Variants in CTDSPL observed in about 807,000 individuals in gnomAD.
CTDSPL encodes CTD small phosphatase-like protein.
Under a neutral mutation model 30.5 loss-of-function variants are expected in CTDSPL, and 8 were observed. The ratio of observed to expected loss-of-function variants is 0.26; its 90% CI spans 0.15 to 0.47. The LOEUF is 0.47. CTDSPL is among the 20% of genes least tolerant of loss of function. The pLI, the probability that CTDSPL is intolerant of heterozygous loss-of-function variation, is 0.99. For missense variants in CTDSPL, 248 were observed against 366.1 expected, an observed-to-expected ratio of 0.68 and a Z score of 2.63; for synonymous variants, 110 against 137.9, an observed-to-expected ratio of 0.80 and a Z score of 1.42.
chr3:37,940,387 G>A (rs540861718), intron 1 of CTDSPL, among the ~76,000 whole-genome samples: 5 of 150,546 alleles, frequency 3.3e-5, no homozygotes, highest in African/African-American at 1.2e-4. Context: ...AGGAGCAAAA[G>A]AGAATTTGTT....
intron 5 of CTDSPL, chr3:37,968,525 G>A (rs990367005): frequency 1.3e-5 from 3 of 231,974 alleles, no homozygotes; most frequent in Non-Finnish European, 2.6e-5. Flanking sequence ...GAATGTTGTA[G>A]GAAAACTAGC....
chr3:37,964,032 TAAAAAAAAAAAAA>T (rs58061973), intron 3 of CTDSPL, among the ~76,000 whole-genome samples: 1,216 of 22,936 alleles, frequency 0.053, 39 homozygotes, highest in African/African-American at 0.14. Context: ...TCTCAGTCAC[TAAAAAAAAAAAAA>T]AAAAAAAAAA....
intron 1 of CTDSPL, among the ~76,000 whole-genome samples, chr3:37,891,026 T>C (rs1698319536): frequency 6.6e-6 from 1 of 152,140 alleles, no homozygotes; most frequent in Non-Finnish European, 1.5e-5. Flanking sequence ...CACAAGAGTA[T>C]ATCTCTAGGC....
Position 37,983,635 on chromosome 3 carries a change from C to T in CTDSPL, c.*2768C>T, listed in dbSNP as rs774636628. The T allele has an allele frequency of 3.3e-5, 5 of 152,540 alleles. No individual in the cohort carries two copies. The highest frequency in any genetic ancestry group is 7.3e-5 in the Non-Finnish European group (5 of 68,240). The allele number at this position is 152,540 out of a possible 1,614,324, so 9.4% of individuals were successfully genotyped here. ...GTATTTTTGACATTGAGCTCTGGGA[C>T]AGGACACCTTGGGTTTGTGGACTGC... On this transcript the variant is annotated 3_prime_UTR_variant, in exon 8 of 8. Coordinates refer to ENST00000273179, the MANE Select transcript of CTDSPL (RefSeq NM_001008392.2).
At chr3:37,895,106 G>A (rs917370125) in intron 1 of CTDSPL, among the ~76,000 whole-genome samples, 2 of 152,070 alleles carry the variant, frequency 1.3e-5, no homozygotes, top group Non-Finnish European at 2.9e-5. Flanking sequence ...AATAATTTTG[G>A]ATTGTATTTT....
chr3:37,880,852 A>T (rs1412617421), intron 1 of CTDSPL, among the ~76,000 whole-genome samples: 1 of 152,166 alleles, frequency 6.6e-6, no homozygotes, highest in African/African-American at 2.4e-5. Flanking sequence ...GAATCCACTT[A>T]AACTACTTTA....
intron 1 of CTDSPL, among the ~76,000 whole-genome samples, chr3:37,900,809 TA>T (rs771981144): frequency 1.3e-5 from 2 of 152,138 alleles, no homozygotes; most frequent in Non-Finnish European, 2.9e-5. Context: ...TTATTATTAT[TA>T]TTTTTTTAGA....
intron 1 of CTDSPL, among the ~76,000 whole-genome samples, chr3:37,880,084 A>G (rs181900413): frequency 3.3e-5 from 5 of 149,672 alleles, no homozygotes; most frequent in Admixed American, 2.7e-4. Flanking sequence ...GGAAGCTATC[A>G]TGTTTTTATG....
At chr3:37,917,925 A>G (rs1698668864) in intron 1 of CTDSPL, among the ~76,000 whole-genome samples, 2 of 152,210 alleles carry the variant, frequency 1.3e-5, no homozygotes, top group South Asian at 4.1e-4. Flanking sequence ...AGGGAGGAGA[A>G]GTATGGGTTA....
Position 37,983,119 on chromosome 3 carries a change from G to A in CTDSPL, c.*2252G>A, listed in dbSNP as rs766989431. 1.3e-4 allele frequency: 20 copies of A among 154,624 alleles called. No homozygotes were observed. The highest frequency in any genetic ancestry group is 9.6e-4 in the Admixed American group (15 of 15,646). 9.6% of individuals were successfully genotyped at this position (154,624 alleles called of 1,614,324 possible). A position where few individuals can be genotyped will look rare whatever the true frequency, so the allele number is the denominator to read the frequency against. On this transcript the variant is annotated 3_prime_UTR_variant, in exon 8 of 8. Transcript: ENST00000273179. ...GAGCACCACTGCACTAAGCCAGTGC[G>A]GAGCTGTTAGGGACGGGCCCAGCTC...
intron 2 of CTDSPL, among the ~76,000 whole-genome samples, chr3:37,951,701 ATAT>A (rs1346002759): frequency 6.6e-6 from 1 of 151,550 alleles, no homozygotes; most frequent in Non-Finnish European, 1.5e-5. Flanking sequence ...GTAGAAATAA[ATAT>A]TATTATTAGG....
intron 3 of CTDSPL, among the ~76,000 whole-genome samples, chr3:37,963,114 G>A (rs761175340): frequency 5.3e-5 from 8 of 152,152 alleles, no homozygotes; most frequent in Non-Finnish European, 1.0e-4. Flanking sequence ...CCCACATCCC[G>A]TCACAGTGCT....
At chr3:37,916,930 A>G (rs1324651306) in intron 1 of CTDSPL, among the ~76,000 whole-genome samples, 2 of 152,182 alleles carry the variant, frequency 1.3e-5, no homozygotes, top group African/African-American at 4.8e-5. Flanking sequence ...GCCATGAGTC[A>G]CTGGCAGTTT....
At chr3:37,903,419 G>A (rs1174195846) in intron 1 of CTDSPL, among the ~76,000 whole-genome samples, 1 of 152,190 alleles carries the variant, frequency 6.6e-6, no homozygotes, top group Non-Finnish European at 1.5e-5. Context: ...TGAACCCTGA[G>A]GTATGAGGCT....
intron 1 of CTDSPL, among the ~76,000 whole-genome samples, chr3:37,911,160 A>C (rs1698578720): frequency 6.6e-6 from 1 of 152,206 alleles, no homozygotes. Context: ...CTCATAAAAG[A>C]TTGACTTGGT....
At chr3:37,952,039 C>T (rs911725683) in intron 2 of CTDSPL, among the ~76,000 whole-genome samples, 3 of 151,982 alleles carry the variant, frequency 2.0e-5, no homozygotes, top group Non-Finnish European at 2.9e-5. Context: ...CTGCTGGGCA[C>T]GGTGGCTAAT....
chr3:37,868,743 T>G (rs777948681), intron 1 of CTDSPL, among the ~76,000 whole-genome samples: 2 of 152,092 alleles, frequency 1.3e-5, no homozygotes, highest in South Asian at 4.1e-4. Flanking sequence ...CTGGGTTTAT[T>G]TATTTTGTCC....
intron 1 of CTDSPL, among the ~76,000 whole-genome samples, chr3:37,875,252 C>G (rs1698122780): frequency 6.6e-6 from 1 of 152,130 alleles, no homozygotes. Flanking sequence ...TAAGCAGTGG[C>G]CTTTCTGGAT....
Position 37,984,446 on chromosome 3 carries a change from CA to C in CTDSPL, c.*3584del. 2.6e-6 allele frequency: 1 copy of C among 385,930 alleles called. No individual in the cohort carries two copies. 23.9% of individuals were successfully genotyped at this position (385,930 alleles called of 1,614,324 possible). A position where few individuals can be genotyped will look rare whatever the true frequency, so the allele number is the denominator to read the frequency against. On this transcript the variant is annotated 3_prime_UTR_variant, in exon 8 of 8. Transcript: ENST00000273179. Reference sequence around the variant, plus strand: ...AGGTTTGCAATGATTTCCTTCCTGCCAAAAATAAACATGTGAAACTGCACTC... The same window carrying C: ...AGGTTTGCAATGATTTCCTTCCTGCCAAAATAAACATGTGAAACTGCACTC...
Sources: allele counts gnomAD v4.1 joint callset (sites outside exome capture counted in the v4.1 genomes callset), GRCh38; gene constraint gnomAD v4.1.1; transcripts MANE v1.5; gene names NCBI Gene and HGNC (gene_info 2026-07-23, HGNC 2026-07-21).